The following ARID2 variants were observed in gnomAD, a reference collection of about 807,000 sequenced individuals.
ARID2 encodes the protein AT-rich interaction domain 2.
ARID2 carries 32 observed loss-of-function variants against 184.6 expected under a neutral mutation model. The observed-to-expected ratio is 0.17, with a 90% CI of 0.13 to 0.23. ARID2 has a LOEUF of 0.23. Among genes scored for constraint, ARID2 ranks in the 10% least tolerant of loss-of-function variants. The probability of loss-of-function intolerance (pLI) is 1.00; values close to 1 mark genes in which losing one functional copy is unlikely to be tolerated. For synonymous variants in ARID2, 836 were observed against 772.6 expected, an observed-to-expected ratio of 1.08 and a Z score of -1.36; for missense variants, 1,696 against 2,197.6, an observed-to-expected ratio of 0.77 and a Z score of 4.56.
Position 45,791,204 on chromosome 12 carries a change from C to CTGTG in ARID2, c.285-20187_285-20184dup, listed in dbSNP as rs143314237. Among the ~76,000 whole-genome samples, 398 of 147,628 alleles carry CTGTG rather than the reference C, an allele frequency of 2.7e-3. 4 individuals are homozygous for CTGTG. Among genetic ancestry groups the CTGTG allele is most frequent in the African/African-American group, 3.9e-3 (159 of 40,614 alleles). On this transcript the variant is annotated intron_variant, in intron 3 of 20. Transcript: ENST00000334344. ...CTTCACTTTCTTGCCAGCACATTTTCTGTGTGTGTGTGTGTGTGTGTGTGT... is the reference window on the plus strand; with the variant it reads ...CTTCACTTTCTTGCCAGCACATTTTCTGTGTGTGTGTGTGTGTGTGTGTGTGTGT...
intron 3 of ARID2, among the ~76,000 whole-genome samples, chr12:45,748,792 A>G (rs775526106): frequency 6.6e-6 from 1 of 152,262 alleles, no homozygotes; most frequent in South Asian, 2.1e-4. Context: ...TTCTATCTCA[A>G]TAAACCATTT....
chr12:45,730,033 C>G lies in ARID2; in HGVS notation c.93-11C>G. ...CCGGCTGACAAGTGCGGGGCTTTTT[C>G]TCTCCCGCAGGTCGCCTTTTAAAAA... On this transcript the variant is annotated splice_polypyrimidine_tract_variant and intron_variant, in intron 1 of 20. Transcript: ENST00000334344. The G allele has an allele frequency of 6.2e-7, 1 of 1,612,794 alleles. No individual in the cohort carries two copies. The highest frequency in any genetic ancestry group is 8.5e-7 in the Non-Finnish European group (1 of 1,179,540).
rs2138170754 is a variant in ARID2, at chr12:45,851,411, G to C, written c.3288G>C (p.Gln1096His). The C allele has an allele frequency of 6.2e-7, 1 of 1,614,140 alleles. No individual in the cohort carries two copies. The highest frequency in any genetic ancestry group is 1.1e-5 in the South Asian group (1 of 91,084). The change falls in exon 15 of 21, where the codon CAG (glutamine) becomes CAC (histidine). Residue 1096 changes from glutamine to histidine, a missense_variant. By Grantham distance (24) the Gln-to-His change is conservative. Around this residue, in one of 11 missense-constraint regions of ARID2, gnomAD observed 713 missense variants for 824.4 expected, o/e 0.86. Transcript: ENST00000334344. ...ATAATGCAAGAGCTCCTAGCCCTCA[G>C]GTGGTCTATCAGGTGGCCAGTAACC... The part of the protein sequence containing the change: ...PPNNARAPSP[Q>H]VVYQVASNQA...
At chr12:45,743,931 G>A (rs1262164492) in intron 3 of ARID2, among the ~76,000 whole-genome samples, 2 of 151,978 alleles carry the variant, frequency 1.3e-5, no homozygotes, top group African/African-American at 4.8e-5. Flanking sequence ...TATAAAAGCT[G>A]TTGAACTTTT....
chr12:45,860,849 A>G lies in ARID2; in HGVS notation c.4822A>G (p.Asn1608Asp). 1 of 1,608,578 alleles carries G rather than the reference A, an allele frequency of 6.2e-7. No individual in the cohort carries two copies. Among genetic ancestry groups the G allele is most frequent in the South Asian group, 1.1e-5 (1 of 89,826 alleles). ...AGCTGTACAAGTGCAGGGCCAGCCTAACAGTTCTCAGCCTTCTCCATTCAG... is the reference window on the plus strand; with the variant it reads ...AGCTGTACAAGTGCAGGGCCAGCCTGACAGTTCTCAGCCTTCTCCATTCAG... Reference protein sequence around the residue: ...SPAVQVQGQPNSSQPSPFSGS... With the variant: ...SPAVQVQGQPDSSQPSPFSGS... Residue 1608 changes from asparagine to aspartate, a missense_variant, in exon 16 of 21, where the codon AAC (asparagine) becomes GAC (aspartate). This residue lies in a region of ARID2 where 111 missense variants were observed against 154.0 expected (regional missense o/e 0.72). Coordinates refer to ENST00000334344, the MANE Select transcript of ARID2 (RefSeq NM_152641.4).
Position 45,852,291 on chromosome 12 carries a change from A to T in ARID2, c.4168A>T (p.Ile1390Leu), listed in dbSNP as rs1943566161. 1.2e-6 allele frequency: 2 copies of T among 1,614,168 alleles called. No individual in the cohort carries two copies. Among genetic ancestry groups the T allele is most frequent in the East Asian group, 4.5e-5 (2 of 44,868 alleles). The change falls in exon 15 of 21, where the codon ATA becomes TTA. Residue 1390 changes from isoleucine to leucine, a missense_variant. Ile to Leu is a conservative substitution (Grantham distance 5, BLOSUM62 2). This residue lies in a region of ARID2 where 428 missense variants were observed against 409.1 expected (regional missense o/e 1.05). Transcript: ENST00000334344. ...TTCCAATCATGTAGGAAATGGTGAG[A>T]TATCTCCAATGGAACCACAAGGGAC... ...KTSNHVGNGE[I>L]SPMEPQGTLD...
chr12:45,819,613 A>G lies in ARID2; in HGVS notation c.637+1725A>G, dbSNP rs964605676. Reference sequence around the variant, plus strand: ...CTTTTAGAAAGTAGAATATTTACATATTTTGTGTGTTTGAAGAAGTATAAT... The same window carrying G: ...CTTTTAGAAAGTAGAATATTTACATGTTTTGTGTGTTTGAAGAAGTATAAT... On this transcript the variant is annotated intron_variant, in intron 5 of 20. Transcript: ENST00000334344. Among the ~76,000 whole-genome samples the G allele has an allele frequency of 3.3e-5, 5 of 152,224 alleles. No homozygotes were observed. The South Asian group carries it at 1.0e-3, about 32-fold the overall frequency.
intron 16 of ARID2, among the ~76,000 whole-genome samples, chr12:45,876,492 G>T (rs1049640138): frequency 1.3e-5 from 2 of 151,662 alleles, no homozygotes; most frequent in Non-Finnish European, 2.9e-5. Context: ...GGAGGTTGCG[G>T]TGAGCCAGAG....
chr12:45,795,760 A>G (rs1232484036), intron 3 of ARID2, among the ~76,000 whole-genome samples: 1 of 151,052 alleles, frequency 6.6e-6, no homozygotes, highest in Non-Finnish European at 1.5e-5. Context: ...TTTTCCTCCT[A>G]TCTTGTTTGT....
chr12:45,901,518 C>T (rs1374051023), intron 20 of ARID2, among the ~76,000 whole-genome samples: 1 of 151,924 alleles, frequency 6.6e-6, no homozygotes, highest in East Asian at 1.9e-4. Flanking sequence ...CCAGTTGTTA[C>T]TATTTTATAA....
chr12:45,883,167 A>G (rs1944132002), intron 16 of ARID2, among the ~76,000 whole-genome samples: 1 of 152,138 alleles, frequency 6.6e-6, no homozygotes, highest in African/African-American at 2.4e-5. Flanking sequence ...AGTTTGAGAA[A>G]TATGTGTTCC....
intron 6 of ARID2, among the ~76,000 whole-genome samples, chr12:45,822,792 A>G (rs1379648198): frequency 6.6e-6 from 1 of 152,202 alleles, no homozygotes; most frequent in East Asian, 1.9e-4. Context: ...TGTAACAATC[A>G]TATATGCACT....
At chr12:45,839,847 A>G (rs146237772) in intron 11 of ARID2, 65 of 189,742 alleles carry the variant, frequency 3.4e-4, no homozygotes, top group Middle Eastern at 2.2e-3. Flanking sequence ...TTATTCATAT[A>G]TTACCTTATG....
intron 3 of ARID2, among the ~76,000 whole-genome samples, chr12:45,738,364 G>A (rs1389795727): frequency 6.6e-6 from 1 of 151,750 alleles, no homozygotes; most frequent in Non-Finnish European, 1.5e-5. Context: ...ACTCAGGCTG[G>A]AGTGCAGTGG....
intron 3 of ARID2, among the ~76,000 whole-genome samples, chr12:45,809,650 T>G (rs1942667089): frequency 6.6e-6 from 1 of 152,226 alleles, no homozygotes; most frequent in African/African-American, 2.4e-5. Flanking sequence ...TCAGTATGTT[T>G]TATCTACAAC....
At chr12:45,764,236 T>C (rs1941729867) in intron 3 of ARID2, among the ~76,000 whole-genome samples, 1 of 152,210 alleles carries the variant, frequency 6.6e-6, no homozygotes, top group African/African-American at 2.4e-5. Context: ...CTGATTATAG[T>C]TATACTTGGT....
At chr12:45,856,691 C>A (rs1412389955) in intron 15 of ARID2, among the ~76,000 whole-genome samples, 1 of 151,900 alleles carries the variant, frequency 6.6e-6, no homozygotes, top group Non-Finnish European at 1.5e-5. Flanking sequence ...TTTGTTTCTT[C>A]CAACCTCCAT....
At chr12:45,864,587 T>C (rs988395814) in intron 16 of ARID2, among the ~76,000 whole-genome samples, 5 of 152,192 alleles carry the variant, frequency 3.3e-5, no homozygotes, top group Non-Finnish European at 7.4e-5. Context: ...TGATACTGTT[T>C]AGCATGTTAC....
At chr12:45,793,821 G>T in intron 3 of ARID2, among the ~76,000 whole-genome samples, 1 of 146,842 alleles carries the variant, frequency 6.8e-6, no homozygotes, top group African/African-American at 2.5e-5. Context: ...AGGTCTGCTG[G>T]TTTTAAAAAA....
Sources: gnomAD v4.1 joint callset for allele counts (sites outside exome capture counted in the v4.1 genomes callset) on GRCh38, gnomAD v4.1.1 for gene constraint, gnomAD v4.1.1 regional missense constraint, MANE v1.5 for transcripts, NCBI Gene and HGNC (gene_info 2026-07-23, HGNC 2026-07-21) for gene names.